Variants in ABI3BP observed in about 807,000 individuals in gnomAD.
ABI3BP encodes target of Nesh-SH3.
In ABI3BP, 216 loss-of-function variants were observed where a neutral mutation model predicts 268.6. That is an observed-to-expected ratio of 0.80 (90% CI 0.72 to 0.90). The LOEUF is 0.90. ABI3BP is among the 40% of genes least tolerant of loss of function. The pLI is 0.00. For synonymous variants in ABI3BP, 730 were observed against 730.0 expected, an observed-to-expected ratio of 1.00 and a Z score of 0.00; for missense variants, 2,090 against 2,182.4, an observed-to-expected ratio of 0.96 and a Z score of 0.84.
intron 12 of ABI3BP, 187 bp downstream of exon 12, chr3:100,863,815 T>C: frequency 3.6e-6 from 2 of 552,980 alleles, no homozygotes; most frequent in South Asian, 5.1e-5. Context: ...ATATGACCAC[T>C]TAAAAGAAAA....
chr3:100,940,018 C>A (rs571455005), intron 1 of ABI3BP, among the ~76,000 whole-genome samples: 1 of 152,064 alleles, frequency 6.6e-6, no homozygotes, highest in Non-Finnish European at 1.5e-5. Context: ...CTGTTCCGCC[C>A]GGCTCACCGG....
intron 11 of ABI3BP, 188 bp downstream of exon 11, chr3:100,864,643 CCA>C: frequency 1.8e-6 from 1 of 555,772 alleles, no homozygotes; most frequent in Non-Finnish European, 3.2e-6. Flanking sequence ...CCAGGATCAG[CCA>C]TGTGGTTAAC....
At chr3:100,874,373 C>T (rs923487267) in intron 9 of ABI3BP, among the ~76,000 whole-genome samples, 8 of 152,088 alleles carry the variant, frequency 5.3e-5, no homozygotes, top group African/African-American at 1.2e-4. Flanking sequence ...GTGGATTTTC[C>T]GTTTTTTTCT....
chr3:100,931,416 G>C (rs1253521390), intron 1 of ABI3BP, among the ~76,000 whole-genome samples: 1 of 152,030 alleles, frequency 6.6e-6, no homozygotes, highest in Non-Finnish European at 1.5e-5. Context: ...AAGTCAAACT[G>C]TTTCTCTGCA....
intron 2 of ABI3BP, among the ~76,000 whole-genome samples, chr3:100,910,383 A>G (rs996092191): frequency 6.6e-6 from 1 of 150,516 alleles, no homozygotes; most frequent in African/African-American, 2.5e-5. Context: ...TATTCTGCAC[A>G]TGTACCCCAG....
At position 100,750,474 on chromosome 3, in the gene ABI3BP, G is replaced by T; in HGVS notation, c.*21C>A. 6.4e-7 allele frequency: 1 copy of T among 1,556,344 alleles called. No individual in the cohort carries two copies. Among genetic ancestry groups the T allele is most frequent in the Non-Finnish European group, 8.8e-7 (1 of 1,130,688 alleles). ...GATTTTTGTTTGCAATGATGAAACAGAAGGTAACTTTGTGCAGCATCTACC... is the reference window on the plus strand; with the variant it reads ...GATTTTTGTTTGCAATGATGAAACATAAGGTAACTTTGTGCAGCATCTACC... On this transcript the variant is annotated 3_prime_UTR_variant, in exon 68 of 68. Transcript: ENST00000471714.
At position 100,816,834 on chromosome 3, in the gene ABI3BP, A is replaced by G. The variant is rs189425366; in HGVS notation, c.3149-66T>C. ...TTGGAGACAAAACTTTAGGTTTTTA[A>G]AGGTATGTCATATTTCCTTGAGATT... On this transcript the variant is annotated intron_variant, in intron 42 of 67. Coordinates refer to ENST00000471714, the MANE Select transcript of ABI3BP (RefSeq NM_001375547.2). 3.7e-4 allele frequency: 421 copies of G among 1,122,782 alleles called. 1 individual carries two copies. The highest frequency in any genetic ancestry group is 5.1e-4 in the Non-Finnish European group (395 of 776,716). 69.6% of individuals were successfully genotyped at this position (1,122,782 alleles called of 1,614,324 possible).
In ABI3BP at chr3:100,815,950, G is replaced by C; in HGVS notation, c.3251C>G (p.Pro1084Arg). ...TGGAGCATCAGTACTATGAACAACA[G>C]GTTCAAAGCCTGTAACAGAAACTAA... ...NKSVSVTGFE[P>R]VVHSTDAPGT... is the part of the protein sequence containing the mutation. Residue 1084 changes from proline to arginine, a missense_variant, in exon 44 of 68, where the codon CCT becomes CGT. Pro to Arg is a moderately radical substitution (Grantham distance 103, BLOSUM62 -2). Coordinates refer to ENST00000471714, the MANE Select transcript of ABI3BP (RefSeq NM_001375547.2). 1 of 1,526,002 alleles carries C rather than the reference G, an allele frequency of 6.6e-7. No homozygotes were observed. The highest frequency in any genetic ancestry group is 8.7e-7 in the Non-Finnish European group (1 of 1,143,852). The allele number at this position is 1,526,002 out of a possible 1,614,324, so 94.5% of individuals were successfully genotyped here.
intron 1 of ABI3BP, among the ~76,000 whole-genome samples, chr3:100,967,272 C>T (rs368622089): frequency 3.9e-5 from 6 of 151,946 alleles, no homozygotes; most frequent in Non-Finnish European, 4.4e-5. Flanking sequence ...GAGGCTGAGG[C>T]GGGTGGATCA....
In ABI3BP at chr3:100,825,706, T is replaced by C. The variant is rs1415126665; in HGVS notation, c.2662+79A>G. On this transcript the variant is annotated intron_variant, in intron 35 of 67. Coordinates refer to ENST00000471714, the MANE Select transcript of ABI3BP (RefSeq NM_001375547.2). ...TTGTAGAGGAAGACATGCCATGTTATAGGGATGAAGACTGAATGGACTGTA... is the reference window on the plus strand; with the variant it reads ...TTGTAGAGGAAGACATGCCATGTTACAGGGATGAAGACTGAATGGACTGTA... 2.8e-4 allele frequency: 304 copies of C among 1,100,274 alleles called. 1 individual carries two copies. Among genetic ancestry groups the C allele is most frequent in the Non-Finnish European group, 2.9e-5 (22 of 750,544 alleles). The allele number at this position is 1,100,274 out of a possible 1,614,324, so 68.2% of individuals were successfully genotyped here.
chr3:100,920,126 A>T (rs1292947488), intron 2 of ABI3BP, among the ~76,000 whole-genome samples: 1 of 152,202 alleles, frequency 6.6e-6, no homozygotes, highest in African/African-American at 2.4e-5. Context: ...AGTGACTAAC[A>T]GCTCTGCTAA....
chr3:100,796,072 G>A (rs1451932454), intron 52 of ABI3BP, among the ~76,000 whole-genome samples: 4 of 151,978 alleles, frequency 2.6e-5, no homozygotes, highest in African/African-American at 7.2e-5. Context: ...GGAAAATTTC[G>A]AGTAGGCACC....
At chr3:100,840,979 G>A (rs2098687324) in intron 21 of ABI3BP, 121 bp from the exon 22 acceptor site, 2 of 750,346 alleles carry the variant, frequency 2.7e-6, no homozygotes, top group Admixed American at 3.1e-5. Context: ...AAATGGTGAA[G>A]CTTTTATCCA....
intron 1 of ABI3BP, among the ~76,000 whole-genome samples, chr3:100,948,579 A>G (rs1421640103): frequency 1.3e-5 from 2 of 152,190 alleles, no homozygotes; most frequent in African/African-American, 4.8e-5. Flanking sequence ...AACTGCTTAC[A>G]ACTTACTATA....
At chr3:100,884,035 T>C (rs1013750561) in intron 6 of ABI3BP, among the ~76,000 whole-genome samples, 1 of 152,036 alleles carries the variant, frequency 6.6e-6, no homozygotes, top group African/African-American at 2.4e-5. Flanking sequence ...AACAGCAAGA[T>C]AGAAAATTGC....
intron 20 of ABI3BP, chr3:100,844,561 T>C (rs1022448896): frequency 3.5e-6 from 2 of 564,408 alleles, no homozygotes; most frequent in African/African-American, 4.1e-5. Context: ...GGTGGTGTAT[T>C]TGCTCTTCCA....
chr3:100,910,106 G>A (rs181796226), intron 2 of ABI3BP, among the ~76,000 whole-genome samples: 1 of 152,270 alleles, frequency 6.6e-6, no homozygotes, highest in African/African-American at 2.4e-5. Context: ...CATGTCCTTT[G>A]CGGGGACATG....
intron 1 of ABI3BP, among the ~76,000 whole-genome samples, chr3:100,956,573 GTA>G (rs2076929439): frequency 6.6e-6 from 1 of 152,166 alleles, no homozygotes; most frequent in Admixed American, 6.5e-5. Context: ...TGAGCAAAAA[GTA>G]TATGTTTGTA....
rs2098845209 is a variant in ABI3BP, at chr3:100,851,945, A to AAAAT, written c.1286-6_1286-5insATTT. ...TTGAGAAAACATCATAAGTTGCTTA[A>AAAAT]AAAAAAAAAAAAGGCAAAACAAGAG... On this transcript the variant is annotated splice_polypyrimidine_tract_variant and splice_region_variant and intron_variant, in intron 14 of 67. Transcript: ENST00000471714. 1 of 1,279,184 alleles carries AAAAT rather than the reference A, an allele frequency of 7.8e-7. No homozygotes were observed. The highest frequency in any genetic ancestry group is 1.5e-5 in the African/African-American group (1 of 66,696). The allele number at this position is 1,279,184 out of a possible 1,614,324, so 79.2% of individuals were successfully genotyped here. A position where few individuals can be genotyped will look rare whatever the true frequency, so the allele number is the denominator to read the frequency against.
Sources: gnomAD v4.1 joint callset for allele counts (sites outside exome capture counted in the v4.1 genomes callset) on GRCh38, gnomAD v4.1.1 for gene constraint, MANE v1.5 for transcripts, NCBI Gene and HGNC (gene_info 2026-07-23, HGNC 2026-07-21) for gene names.